Variants in FGF12 observed in about 807,000 individuals in gnomAD.
FGF12 encodes the protein fibroblast growth factor 12.
A neutral mutation model predicts 23.6 loss-of-function variants in FGF12; 14 were observed. That is an observed-to-expected ratio of 0.59 (90% CI 0.39 to 0.93). The LOEUF (loss-of-function observed/expected upper bound fraction) is 0.93, where lower values mean the gene tolerates loss of function less well. Ranked by LOEUF, FGF12 falls within the 40% of genes least tolerant of loss-of-function variation. The probability of loss-of-function intolerance (pLI) is 0.00; values close to 1 mark genes in which losing one functional copy is unlikely to be tolerated. For synonymous variants in FGF12, 62 were observed against 77.3 expected (o/e 0.80, Z 1.04); for missense variants, 175 against 217.8 (o/e 0.80, Z 1.24).
chr3:192,461,143 A>G (rs1482246726), intron 2 of FGF12, among the ~76,000 whole-genome samples: 1 of 152,094 alleles, frequency 6.6e-6, no homozygotes, highest in African/African-American at 2.4e-5. Context: ...TCATTTAACA[A>G]TGGGATTTTT....
chr3:192,668,187 G>A (rs911007644), intron 2 of FGF12, among the ~76,000 whole-genome samples: 2 of 151,244 alleles, frequency 1.3e-5, no homozygotes, highest in Non-Finnish European at 2.9e-5. Flanking sequence ...AAAAAAAAAC[G>A]GTAGAATAAG....
chr3:192,599,178 G>A (rs1713992729), intron 2 of FGF12, among the ~76,000 whole-genome samples: 1 of 151,592 alleles, frequency 6.6e-6, no homozygotes, highest in African/African-American at 2.4e-5. Context: ...GTTGATGGGT[G>A]CAGCAAACCA....
chr3:192,701,368 T>C (rs1718292685), intron 2 of FGF12, among the ~76,000 whole-genome samples: 1 of 152,186 alleles, frequency 6.6e-6, no homozygotes, highest in Non-Finnish European at 1.5e-5. Flanking sequence ...TGGGCACATG[T>C]TCTTGGTATC....
At chr3:192,328,577 T>A (rs114831129) in intron 4 of FGF12, among the ~76,000 whole-genome samples, 252 of 152,298 alleles carry the variant, frequency 1.7e-3, no homozygotes, top group African/African-American at 5.8e-3. Context: ...AATCTGTCCC[T>A]CTCTCAAAGA....
At chr3:192,394,906 C>T (rs1720454610) in intron 2 of FGF12, among the ~76,000 whole-genome samples, 2 of 152,170 alleles carry the variant, frequency 1.3e-5, no homozygotes, top group African/African-American at 2.4e-5. Context: ...TAAACCCAAT[C>T]GATACTGTAT....
chr3:192,354,536 T>C (rs945112744), intron 3 of FGF12, among the ~76,000 whole-genome samples: 1 of 151,922 alleles, frequency 6.6e-6, no homozygotes, highest in Admixed American at 6.6e-5. Flanking sequence ...TAAATACAGA[T>C]TTCCTAAAAA....
intron 2 of FGF12, among the ~76,000 whole-genome samples, chr3:192,564,376 T>A (rs1290394571): frequency 6.6e-6 from 1 of 152,146 alleles, no homozygotes; most frequent in Admixed American, 6.5e-5. Context: ...CCATGTGTAG[T>A]CTTATTGGAA....
At chr3:192,247,942 T>C (rs534050389) in intron 4 of FGF12, among the ~76,000 whole-genome samples, 30 of 152,334 alleles carry the variant, frequency 2.0e-4, no homozygotes, top group African/African-American at 7.2e-4. Context: ...ACTTTTTAAA[T>C]TGGGGCCCAC....
chr3:192,483,750 T>C lies in FGF12; in HGVS notation c.14-123212A>G, dbSNP rs9843273. Among the ~76,000 whole-genome samples the C allele has an allele frequency of 9.0e-3, 1,364 of 152,068 alleles. 17 individuals are homozygous for C. Among genetic ancestry groups the C allele is most frequent in the African/African-American group, 0.03 (1,252 of 41,478 alleles). On this transcript the variant is annotated intron_variant, in intron 2 of 5. Transcript: ENST00000445105. ...GCATTAAAAGGAAGTGGAAAGGCGT[T>C]CCAGCTAGAAAAAATATATAAGCAG...
intron 2 of FGF12, among the ~76,000 whole-genome samples, chr3:192,438,689 A>T (rs1722100774): frequency 6.6e-6 from 1 of 152,234 alleles, no homozygotes; most frequent in East Asian, 1.9e-4. Flanking sequence ...GGAAACATTC[A>T]TGTCAAAGAT....
chr3:192,717,934 G>A (rs1017929064), intron 2 of FGF12, among the ~76,000 whole-genome samples: 1 of 152,064 alleles, frequency 6.6e-6, no homozygotes, highest in African/African-American at 2.4e-5. Context: ...GCTTTCATCT[G>A]GTGGTAGAAA....
At chr3:192,697,208 T>C (rs1718153513) in intron 2 of FGF12, among the ~76,000 whole-genome samples, 1 of 152,174 alleles carries the variant, frequency 6.6e-6, no homozygotes, top group Admixed American at 6.5e-5. Flanking sequence ...AGAGGGGCTC[T>C]GAGGAACCTT....
intron 2 of FGF12, among the ~76,000 whole-genome samples, chr3:192,528,970 C>T (rs1164340745): frequency 1.3e-5 from 2 of 152,136 alleles, no homozygotes; most frequent in Non-Finnish European, 2.9e-5. Context: ...GGAAGGGGTG[C>T]CATGAAGACC....
At chr3:192,262,748 C>T (rs1712836669) in intron 4 of FGF12, among the ~76,000 whole-genome samples, 1 of 151,946 alleles carries the variant, frequency 6.6e-6, no homozygotes, top group South Asian at 2.1e-4. Context: ...ATGCATTTCT[C>T]ACATGTATCC....
intron 2 of FGF12, chr3:192,407,934 TG>T: frequency 1.5e-6 from 2 of 1,354,522 alleles, no homozygotes; most frequent in Middle Eastern, 2.1e-4. Flanking sequence ...AGAGGAATCC[TG>T]GTTCCCTTCC....
intron 2 of FGF12, among the ~76,000 whole-genome samples, chr3:192,439,313 C>T (rs1166035512): frequency 6.6e-6 from 1 of 152,116 alleles, no homozygotes; most frequent in Non-Finnish European, 1.5e-5. Context: ...TAATTCATCC[C>T]AATATTTCTT....
At chr3:192,367,683 C>T (rs917437981) in intron 2 of FGF12, among the ~76,000 whole-genome samples, 10 of 152,148 alleles carry the variant, frequency 6.6e-5, no homozygotes, top group Non-Finnish European at 1.2e-4. Flanking sequence ...AAAGGAGAAG[C>T]AGGCCTGAGG....
intron 4 of FGF12, among the ~76,000 whole-genome samples, chr3:192,251,914 C>T (rs1418116306): frequency 2.0e-5 from 3 of 152,242 alleles, no homozygotes; most frequent in South Asian, 2.1e-4. Context: ...AGTGGTTACA[C>T]AGGAGCTTTA....
intron 2 of FGF12, among the ~76,000 whole-genome samples, chr3:192,419,167 T>C (rs1225352658): frequency 1.3e-5 from 2 of 152,180 alleles, no homozygotes; most frequent in Admixed American, 6.5e-5. Context: ...TTTTTTAGGA[T>C]GATGAATCCA....
Sources: allele counts gnomAD v4.1 joint callset (sites outside exome capture counted in the v4.1 genomes callset), GRCh38; gene constraint gnomAD v4.1.1; transcripts MANE v1.5; gene names NCBI Gene and HGNC (gene_info 2026-07-23, HGNC 2026-07-21).